The following NHSL2 variants were observed in gnomAD, a reference collection of about 807,000 sequenced individuals.
NHSL2 encodes the protein NHS like 2, also known as NHS-like protein 2.
NHSL2 carries 27 observed loss-of-function variants against 53.4 expected under a neutral mutation model. The ratio of observed to expected loss-of-function variants is 0.51; its 90% CI spans 0.37 to 0.70. NHSL2 has a LOEUF of 0.70. NHSL2 is among the 30% of genes least tolerant of loss of function. NHSL2 has a pLI of 0.00. For synonymous variants in NHSL2, 408 were observed against 404.1 expected, an observed-to-expected ratio of 1.01 and a Z score of -0.12; for missense variants, 892 against 980.1, an observed-to-expected ratio of 0.91 and a Z score of 1.20.
chrX:72,052,238 G>A lies in NHSL2; in HGVS notation c.281-79841G>A, dbSNP rs147590832. Among the ~76,000 whole-genome samples the A allele has an allele frequency of 6.2e-4, 69 of 111,972 alleles. No individual in the cohort carries two copies. The East Asian group carries it at 0.018, about 29-fold the overall frequency. ...TGATGGGGTGAAGGGTGACATGCGT[G>A]GTTATCATCCTCTGAGAAAGTTGCC... is the stretch of plus-strand genomic sequence containing the variant. On this transcript the variant is annotated intron_variant, in intron 1 of 7. Coordinates refer to ENST00000633930, the MANE Select transcript of NHSL2 (RefSeq NM_001013627.3).
At chrX:71,914,894 T>C (rs953839553) in intron 1 of NHSL2, among the ~76,000 whole-genome samples, 1 of 109,759 alleles carries the variant, frequency 9.1e-6, no homozygotes, top group East Asian at 2.9e-4. Context: ...ATTTGGGGAC[T>C]TGGAACAGGC....
At chrX:72,073,675 C>T (rs1001203909) in intron 1 of NHSL2, among the ~76,000 whole-genome samples, 5 of 112,515 alleles carry the variant, frequency 4.4e-5, no homozygotes, top group African/African-American at 1.6e-4. Context: ...AACTGAGACA[C>T]TAAGGGAGAG....
chrX:72,104,028 G>A (rs1483079857), intron 1 of NHSL2, among the ~76,000 whole-genome samples: 2 of 112,933 alleles, frequency 1.8e-5, no homozygotes, highest in East Asian at 5.5e-4. Flanking sequence ...TTACTTAAAT[G>A]AGAAAAAAAT....
chrX:71,963,997 A>ATATG (rs2041883958), intron 1 of NHSL2, among the ~76,000 whole-genome samples: 1 of 35,706 alleles, frequency 2.8e-5, no homozygotes, highest in East Asian at 1.3e-3. Flanking sequence ...ATATATGTAT[A>ATATG]TACATATATA....
intron 1 of NHSL2, among the ~76,000 whole-genome samples, chrX:72,095,151 A>G (rs2041933669): frequency 8.9e-6 from 1 of 112,270 alleles, no homozygotes; most frequent in African/African-American, 3.2e-5. Context: ...TCAATCGCTT[A>G]TAGCATCCAT....
intron 1 of NHSL2, chrX:72,130,109 A>G: frequency 8.3e-7 from 1 of 1,210,771 alleles, no homozygotes; most frequent in Non-Finnish European, 1.1e-6. Context: ...GTCTGGGATG[A>G]CGCGTGAACA....
chrX:72,138,085 T>C (rs1429019158), intron 5 of NHSL2, among the ~76,000 whole-genome samples: 2 of 111,567 alleles, frequency 1.8e-5, no homozygotes, highest in Non-Finnish European at 1.9e-5. Context: ...AAGCCTCTAC[T>C]CTCATCTCTA....
intron 5 of NHSL2, 106 bp downstream of exon 5, chrX:72,137,331 G>C: frequency 1.3e-6 from 1 of 794,822 alleles, no homozygotes; most frequent in South Asian, 2.9e-5. Flanking sequence ...TAATTGGGTG[G>C]AGGAGGGGGC....
intron 1 of NHSL2, among the ~76,000 whole-genome samples, chrX:71,975,804 A>G (rs974496117): frequency 9.0e-6 from 1 of 111,715 alleles, no homozygotes; most frequent in Non-Finnish European, 1.9e-5. Context: ...TGCTGGCCCT[A>G]CCACTAGTAT....
At chrX:72,093,743 T>TTTCC in intron 1 of NHSL2, among the ~76,000 whole-genome samples, 2 of 105,982 alleles carry the variant, frequency 1.9e-5, no homozygotes, top group Middle Eastern at 4.3e-3. Context: ...TCTTTCTTTC[T>TTTCC]TTCTTTCTTT....
intron 1 of NHSL2, among the ~76,000 whole-genome samples, chrX:71,949,927 G>A (rs2041812443): frequency 8.8e-6 from 1 of 113,202 alleles, no homozygotes; most frequent in South Asian, 3.6e-4. Flanking sequence ...GGTGGGGGAA[G>A]CACTTCCCCC....
intron 1 of NHSL2, among the ~76,000 whole-genome samples, chrX:71,965,436 T>A (rs1330563130): frequency 8.9e-6 from 1 of 112,582 alleles, no homozygotes; most frequent in Non-Finnish European, 1.9e-5. Context: ...GAGAGTATAT[T>A]TCTGTGCCTT....
At chrX:72,119,959 G>A (rs760270511) in intron 1 of NHSL2, among the ~76,000 whole-genome samples, 2 of 112,482 alleles carry the variant, frequency 1.8e-5, no homozygotes, top group African/African-American at 6.5e-5. Flanking sequence ...TCATGAAAGA[G>A]TGTTGGATTT....
intron 1 of NHSL2, among the ~76,000 whole-genome samples, chrX:72,126,840 G>C (rs1326353542): frequency 2.7e-5 from 3 of 112,335 alleles, no homozygotes; most frequent in Admixed American, 9.4e-5. Context: ...ATGCCCGTGC[G>C]TGCCTGTAGG....
rs745786894 is a variant in NHSL2, at chrX:72,029,091, G to A, written c.281-102988G>A. On this transcript the variant is annotated intron_variant, in intron 1 of 7. Transcript: ENST00000633930. ...ATGGCATAGACAAGCATGTATGTGT[G>A]TATGATATAGGAAGTATCCCCCAGG... 2.7e-5 allele frequency among the ~76,000 whole-genome samples: 3 copies of A among 111,517 alleles called. No individual in the cohort carries two copies. In the South Asian group the frequency reaches 1.1e-3, roughly 42 times the overall value.
At chrX:72,064,456 C>T (rs1221609734) in intron 1 of NHSL2, among the ~76,000 whole-genome samples, 1 of 111,822 alleles carries the variant, frequency 8.9e-6, no homozygotes, top group Non-Finnish European at 1.9e-5. Flanking sequence ...TGTCTGTCTC[C>T]GCATCTTCAG....
intron 1 of NHSL2, among the ~76,000 whole-genome samples, chrX:72,070,382 C>T (rs766489975): frequency 1.8e-5 from 2 of 111,057 alleles, no homozygotes; most frequent in Non-Finnish European, 3.8e-5. Context: ...TCTGGGTGTG[C>T]TCTGCTTTGC....
At chrX:72,111,724 A>T (rs1206675964) in intron 1 of NHSL2, among the ~76,000 whole-genome samples, 2 of 111,928 alleles carry the variant, frequency 1.8e-5, no homozygotes, top group Non-Finnish European at 3.8e-5. Context: ...GCAGGAGTGG[A>T]TACTTGCAAA....
chrX:71,963,991 ATG>A lies in NHSL2; in HGVS notation c.280+52626_280+52627del, dbSNP rs1569467059. ...TATATATACATATATATATATATATATGTATATACATATATATATGTATATAT... is the reference window on the plus strand; with the variant it reads ...TATATATACATATATATATATATATATATATACATATATATATGTATATAT... On this transcript the variant is annotated intron_variant, in intron 1 of 7. Transcript: ENST00000633930. Among the ~76,000 whole-genome samples, 15 of 60,590 alleles carry A rather than the reference ATG, an allele frequency of 2.5e-4. No individual in the cohort carries two copies. In the South Asian group the frequency reaches 3.0e-3, roughly 12 times the overall value. 52.6% of individuals were successfully genotyped at this position (60,590 alleles called of 115,157 possible).
Sources: allele counts gnomAD v4.1 joint callset (sites outside exome capture counted in the v4.1 genomes callset), GRCh38; gene constraint gnomAD v4.1.1; transcripts MANE v1.5; gene names NCBI Gene and HGNC (gene_info 2026-07-23, HGNC 2026-07-21).